SYT14: variants seen among roughly 807,000 people sequenced by gnomAD.
SYT14 encodes synaptotagmin 14.
In SYT14, 32 loss-of-function variants were observed where a neutral mutation model predicts 74.2. That is an observed-to-expected ratio of 0.43 (90% confidence interval 0.33 to 0.58). The LOEUF (loss-of-function observed/expected upper bound fraction) is 0.58. SYT14 is among the 20% of genes least tolerant of loss of function. SYT14 has a pLI of 0.05. For missense variants in SYT14, 791 were observed against 981.8 expected (o/e 0.81, Z 2.60); for synonymous variants, 298 against 337.7 (o/e 0.88, Z 1.29).
At chr1:210,072,567 A>G (rs959773604) in intron 5 of SYT14, among the ~76,000 whole-genome samples, 18 of 152,022 alleles carry the variant, frequency 1.2e-4, no homozygotes, top group African/African-American at 7.2e-5. Context: ...CTTAATCACA[A>G]TTTGGACATG....
Position 210,061,582 on chromosome 1 carries a change from A to G in SYT14, c.1313-32740A>G, listed in dbSNP as rs1321013917. Among the ~76,000 whole-genome samples, 3 of 151,916 alleles carry G rather than the reference A, an allele frequency of 2.0e-5. No homozygotes were observed. The East Asian group carries it at 5.8e-4, about 29-fold the overall frequency. ...TGGATATTCAATGCTGTATCTTGAC[A>G]TGCTTAACTAAGAAAACTCAATTTA... On this transcript the variant is annotated intron_variant, in intron 5 of 9. Coordinates refer to ENST00000637265, the Ensembl canonical transcript of SYT14.
chr1:210,162,695 G>A lies in SYT14; in HGVS notation c.*1653G>A, dbSNP rs575374181. 4.5e-4 allele frequency: 203 copies of A among 450,378 alleles called. 1 individual carries two copies. Among genetic ancestry groups the A allele is most frequent in the South Asian group, 2.0e-3 (129 of 63,214 alleles). The allele number at this position is 450,378 out of a possible 1,614,324, so 27.9% of individuals were successfully genotyped here. On this transcript the variant is annotated 3_prime_UTR_variant, in exon 10 of 10. Transcript: ENST00000637265. ...TATTACCATAATAACAAAACAATGCGTAGATATTACTTCAGCTTGGCTGTA... is the reference window on the plus strand; with the variant it reads ...TATTACCATAATAACAAAACAATGCATAGATATTACTTCAGCTTGGCTGTA...
chr1:210,067,508 T>A (rs2081317617), intron 5 of SYT14, among the ~76,000 whole-genome samples: 1 of 152,024 alleles, frequency 6.6e-6, no homozygotes, highest in Non-Finnish European at 1.5e-5. Context: ...TTATTCATGT[T>A]GTGTCATGCG....
At chr1:209,962,270 T>A (rs9430027) in intron 2 of SYT14, among the ~76,000 whole-genome samples, 23,324 of 150,972 alleles carry the variant, frequency 0.15, 2,520 homozygotes, top group Admixed American at 0.35. Context: ...TATCTTTTTT[T>A]TATATATATA....
At chr1:210,132,264 C>A (rs2082689682) in intron 7 of SYT14, among the ~76,000 whole-genome samples, 2 of 152,170 alleles carry the variant, frequency 1.3e-5, no homozygotes, top group South Asian at 4.2e-4. Flanking sequence ...GGGCTCTCTC[C>A]CCACGCCAAG....
intron 7 of SYT14, among the ~76,000 whole-genome samples, chr1:210,128,536 T>G (rs773591543): frequency 3.3e-5 from 5 of 152,218 alleles, no homozygotes; most frequent in Non-Finnish European, 7.3e-5. Flanking sequence ...TTGGAAAATA[T>G]TTTTCACTTT....
At chr1:209,963,246 A>T (rs1259742802) in intron 2 of SYT14, among the ~76,000 whole-genome samples, 1 of 152,158 alleles carries the variant, frequency 6.6e-6, no homozygotes, top group East Asian at 1.9e-4. Context: ...GAGAAGAGGA[A>T]TAGAGATGGA....
intron 7 of SYT14, among the ~76,000 whole-genome samples, chr1:210,103,192 G>T (rs867643903): frequency 6.6e-6 from 1 of 151,858 alleles, no homozygotes. Flanking sequence ...AGAAAAAAAA[G>T]ACCAATGTCA....
At chr1:210,138,106 C>T (rs1299879002) in intron 7 of SYT14, among the ~76,000 whole-genome samples, 1 of 152,152 alleles carries the variant, frequency 6.6e-6, no homozygotes, top group Non-Finnish European at 1.5e-5. Flanking sequence ...ATTCTCAACA[C>T]TGCCAATAAA....
At chr1:210,157,772 T>C (rs1247386271) in intron 8 of SYT14, among the ~76,000 whole-genome samples, 8 of 151,418 alleles carry the variant, frequency 5.3e-5, no homozygotes, top group Non-Finnish European at 5.9e-5. Flanking sequence ...ATAATAATAT[T>C]TATTAATTAA....
intron 2 of SYT14, among the ~76,000 whole-genome samples, chr1:209,967,688 C>T (rs2079176742): frequency 1.3e-5 from 2 of 151,856 alleles, no homozygotes. Flanking sequence ...TAATTTCTGT[C>T]ATCTCTATTT....
intron 2 of SYT14, among the ~76,000 whole-genome samples, chr1:209,992,392 G>A (rs1270622059): frequency 6.6e-6 from 1 of 152,148 alleles, no homozygotes; most frequent in Non-Finnish European, 1.5e-5. Context: ...AACATGGAGG[G>A]AACTGGAGGC....
intron 7 of SYT14, among the ~76,000 whole-genome samples, chr1:210,126,633 G>T (rs2082576262): frequency 6.6e-6 from 1 of 152,166 alleles, no homozygotes; most frequent in South Asian, 2.1e-4. Context: ...TCAAGATTGT[G>T]ATTTTTAGGA....
chr1:210,013,756 G>A, exon 3 of SYT14: 2 of 1,612,870 alleles, frequency 1.2e-6, no homozygotes, highest in Non-Finnish European at 1.7e-6. Flanking sequence ...CCAGATCTTG[G>A]TTCAGAATAC....
At chr1:210,150,918 C>G (rs2083145065) in intron 7 of SYT14, among the ~76,000 whole-genome samples, 1 of 152,120 alleles carries the variant, frequency 6.6e-6, no homozygotes, top group Non-Finnish European at 1.5e-5. Context: ...TATGTACAAG[C>G]TTCCACCTGA....
At chr1:209,976,805 T>C (rs1167749588) in intron 2 of SYT14, among the ~76,000 whole-genome samples, 1 of 152,110 alleles carries the variant, frequency 6.6e-6, no homozygotes, top group African/African-American at 2.4e-5. Context: ...GACAGTGGGG[T>C]GTTAAAGTCT....
intron 2 of SYT14, among the ~76,000 whole-genome samples, chr1:209,976,775 T>A (rs61820389): frequency 6.6e-6 from 1 of 152,226 alleles, no homozygotes; most frequent in Non-Finnish European, 1.5e-5. Flanking sequence ...CTTTCTGTCT[T>A]CGTTGATCTG....
At chr1:210,157,318 T>A (rs2083288273) in intron 8 of SYT14, among the ~76,000 whole-genome samples, 1 of 151,760 alleles carries the variant, frequency 6.6e-6, no homozygotes, top group African/African-American at 2.4e-5. Flanking sequence ...GGCTTGAGAC[T>A]GTAGTGCCAG....
chr1:210,107,972 C>A (rs2082189315), intron 7 of SYT14, among the ~76,000 whole-genome samples: 2 of 151,900 alleles, frequency 1.3e-5, no homozygotes. Flanking sequence ...GGAATTTGGA[C>A]CCTGGTCAGT....
Sources: allele counts gnomAD v4.1 joint callset (sites outside exome capture counted in the v4.1 genomes callset), GRCh38; gene constraint gnomAD v4.1.1; transcripts MANE v1.5; gene names NCBI Gene and HGNC (gene_info 2026-07-23, HGNC 2026-07-21).